The following ATXN1 variants were observed in gnomAD, a reference collection of about 807,000 sequenced individuals.
ATXN1 encodes ataxin 1, also known as ataxin-1.
Under a neutral mutation model 56.4 loss-of-function variants are expected in ATXN1, and 8 were observed. The observed-to-expected ratio is 0.14, with a 90% CI of 0.08 to 0.26. The LOEUF (loss-of-function observed/expected upper bound fraction) is 0.26. Among genes scored for constraint, ATXN1 ranks in the 10% least tolerant of loss-of-function variants. The pLI is 1.00. For synonymous variants in ATXN1, 514 were observed against 494.6 expected (o/e 1.04, Z -0.52); for missense variants, 987 against 1,106.5 (o/e 0.89, Z 1.53).
chr6:16,354,625 G>C (rs1391762792), intron 6 of ATXN1, among the ~76,000 whole-genome samples: 1 of 152,098 alleles, frequency 6.6e-6, no homozygotes, highest in Non-Finnish European at 1.5e-5. Flanking sequence ...AAACAAAATC[G>C]AGTCCTTTTA....
chr6:16,731,128 G>A (rs569918595), intron 2 of ATXN1, among the ~76,000 whole-genome samples: 1 of 152,214 alleles, frequency 6.6e-6, no homozygotes, highest in Admixed American at 6.5e-5. Context: ...AATGGAAGGA[G>A]GTTTAGTAGC....
chr6:16,426,651 T>C (rs1398813015), intron 6 of ATXN1, among the ~76,000 whole-genome samples: 1 of 151,282 alleles, frequency 6.6e-6, no homozygotes, highest in Middle Eastern at 3.4e-3. Flanking sequence ...GAGAGAAGGA[T>C]GGAGAGACAC....
intron 6 of ATXN1, among the ~76,000 whole-genome samples, chr6:16,471,698 T>TGTG (rs903822855): frequency 2.0e-5 from 3 of 151,816 alleles, no homozygotes; most frequent in Non-Finnish European, 4.4e-5. Flanking sequence ...CGTGTGTGTG[T>TGTG]GTGTGTGTGT....
intron 6 of ATXN1, among the ~76,000 whole-genome samples, chr6:16,430,688 G>A (rs538352491): frequency 2.6e-4 from 40 of 152,120 alleles, no homozygotes; most frequent in African/African-American, 9.2e-4. Flanking sequence ...TGATAGGGGT[G>A]CAGTGGCTGG....
rs1165653486 is a variant in ATXN1, at chr6:16,454,123, CTCAAAAAAAA to C, written c.-161+31839_-161+31848del. Among the ~76,000 whole-genome samples, 477 of 73,662 alleles carry C rather than the reference CTCAAAAAAAA, an allele frequency of 6.5e-3. 5 individuals carry two copies. The highest frequency in any genetic ancestry group is 0.023 in the African/African-American group (369 of 15,870). The allele number at this position is 73,662 out of a possible 152,430, so 48.3% of individuals were successfully genotyped here. ...CTGGGCAATAAGAGCGAGACTCTGTCTCAAAAAAAAAAAAAAAAAAAAAAAAAAAAACAGA... is the reference window on the plus strand; with the variant it reads ...CTGGGCAATAAGAGCGAGACTCTGTCAAAAAAAAAAAAAAAAAAAAACAGA... On this transcript the variant is annotated intron_variant, in intron 6 of 7. Transcript: ENST00000436367.
chr6:16,323,943 T>A (rs969648795), intron 7 of ATXN1, among the ~76,000 whole-genome samples: 4 of 152,092 alleles, frequency 2.6e-5, no homozygotes, highest in African/African-American at 4.8e-5. Flanking sequence ...CTTTTTTTTT[T>A]AAATAAGATC....
At chr6:16,414,155 G>A (rs781649376) in intron 6 of ATXN1, among the ~76,000 whole-genome samples, 4 of 152,140 alleles carry the variant, frequency 2.6e-5, no homozygotes, top group South Asian at 2.1e-4. Context: ...ATAATCTCAC[G>A]CCAGCTCTCA....
chr6:16,405,375 T>G (rs945941383), intron 6 of ATXN1, among the ~76,000 whole-genome samples: 2 of 152,196 alleles, frequency 1.3e-5, no homozygotes, highest in African/African-American at 4.8e-5. Flanking sequence ...CTAAAGACCT[T>G]TATTTAAATT....
At chr6:16,428,978 A>T (rs1464477502) in intron 6 of ATXN1, among the ~76,000 whole-genome samples, 1 of 151,914 alleles carries the variant, frequency 6.6e-6, no homozygotes, top group Non-Finnish European at 1.5e-5. Context: ...CACGCACAGA[A>T]CATTAGAATT....
chr6:16,606,519 TG>T (rs570408842), intron 3 of ATXN1, among the ~76,000 whole-genome samples: 1 of 69,028 alleles, frequency 1.4e-5, no homozygotes, highest in Non-Finnish European at 3.4e-5. Flanking sequence ...TTTTTGTTTG[TG>T]GGTTTTTTTT....
chr6:16,664,626 T>A (rs1050868766), intron 2 of ATXN1, among the ~76,000 whole-genome samples: 1 of 152,074 alleles, frequency 6.6e-6, no homozygotes, highest in Non-Finnish European at 1.5e-5. Context: ...AAATATATTT[T>A]ACCACAGAAC....
intron 4 of ATXN1, among the ~76,000 whole-genome samples, chr6:16,539,849 A>G (rs1214898329): frequency 6.6e-6 from 1 of 152,198 alleles, no homozygotes; most frequent in African/African-American, 2.4e-5. Context: ...TGCATGCATC[A>G]GAAACAAATT....
intron 2 of ATXN1, among the ~76,000 whole-genome samples, chr6:16,700,784 GT>G (rs529560384): frequency 2.5e-4 from 38 of 152,270 alleles, no homozygotes; most frequent in Non-Finnish European, 4.7e-4. Flanking sequence ...AGGGTGTAAC[GT>G]GGTAAGCAGA....
chr6:16,603,159 T>C (rs1232656848), intron 3 of ATXN1, among the ~76,000 whole-genome samples: 2 of 152,172 alleles, frequency 1.3e-5, no homozygotes, highest in Non-Finnish European at 2.9e-5. Context: ...GACAGCATGA[T>C]TCTTACCAGT....
chr6:16,672,673 T>C (rs936986232), intron 2 of ATXN1, among the ~76,000 whole-genome samples: 1 of 151,998 alleles, frequency 6.6e-6, no homozygotes, highest in Non-Finnish European at 1.5e-5. Context: ...ATTGATGGCT[T>C]TGAAGATAGG....
chr6:16,645,346 A>T (rs2113825119), intron 3 of ATXN1, among the ~76,000 whole-genome samples: 1 of 152,344 alleles, frequency 6.6e-6, no homozygotes, highest in Non-Finnish European at 1.5e-5. Context: ...ATCATTTAGA[A>T]GAATTCTGGT....
chr6:16,496,014 T>C (rs551037613), intron 5 of ATXN1, among the ~76,000 whole-genome samples: 1 of 152,332 alleles, frequency 6.6e-6, no homozygotes, highest in African/African-American at 2.4e-5. Flanking sequence ...CTTTCCATAA[T>C]AATATTACGT....
intron 6 of ATXN1, among the ~76,000 whole-genome samples, chr6:16,453,149 TTACA>T (rs1243432997): frequency 1.3e-5 from 2 of 151,032 alleles, no homozygotes; most frequent in African/African-American, 4.9e-5. Flanking sequence ...TTGTGTAATC[TTACA>T]TAATCATGTT....
intron 6 of ATXN1, among the ~76,000 whole-genome samples, chr6:16,477,272 T>G (rs1230633326): frequency 1.3e-5 from 2 of 152,266 alleles, no homozygotes; most frequent in Non-Finnish European, 2.9e-5. Context: ...CCCCCAGCTC[T>G]GCCAATGTCA....
Sources: gnomAD v4.1 joint callset for allele counts (sites outside exome capture counted in the v4.1 genomes callset) on GRCh38, gnomAD v4.1.1 for gene constraint, MANE v1.5 for transcripts, NCBI Gene and HGNC (gene_info 2026-07-23, HGNC 2026-07-21) for gene names.